Variants in KIF26B observed in about 807,000 individuals in gnomAD.
The protein encoded by KIF26B is kinesin-like protein KIF26B.
KIF26B carries 63 observed loss-of-function variants against 151.2 expected under a neutral mutation model. The ratio of observed to expected loss-of-function variants is 0.42; its 90% CI spans 0.34 to 0.51. The LOEUF (loss-of-function observed/expected upper bound fraction) is 0.51, where lower values mean the gene tolerates loss of function less well. Ranked by LOEUF, KIF26B falls within the 20% of genes least tolerant of loss-of-function variation. The pLI, the probability that KIF26B is intolerant of heterozygous loss-of-function variation, is 0.07. For missense variants in KIF26B, 2,813 were observed against 2,913.6 expected (o/e 0.97, Z 0.79); for synonymous variants, 1,357 against 1,262.1 (o/e 1.08, Z -1.59).
rs1200287331 is a variant in KIF26B, at chr1:245,375,198, T to C, written c.999+7831T>C. Among the ~76,000 whole-genome samples, 1 of 152,218 alleles carries C rather than the reference T, an allele frequency of 6.6e-6. No individual in the cohort carries two copies. The highest frequency in any genetic ancestry group is 6.5e-5 in the Admixed American group (1 of 15,278). Reference sequence around the variant, plus strand: ...ACCTCCCAGGTTCAAGCGATTCTCCTGCCTCAACCTCGGGATTACAGGCAT... The same window carrying C: ...ACCTCCCAGGTTCAAGCGATTCTCCCGCCTCAACCTCGGGATTACAGGCAT... On this transcript the variant is annotated intron_variant, in intron 3 of 14. Transcript: ENST00000407071. This position sits in a 1 kb window ranked among gnomAD's most constrained non-coding sequence, Gnocchi z 4.2.
chr1:245,643,084 T>G (rs1005083341), intron 9 of KIF26B, among the ~76,000 whole-genome samples: 4 of 152,216 alleles, frequency 2.6e-5, no homozygotes, highest in African/African-American at 9.6e-5. Flanking sequence ...TTATCCACAC[T>G]TACACGTTTA....
At chr1:245,509,617 GC>G (rs1572097958) in intron 4 of KIF26B, among the ~76,000 whole-genome samples, 1 of 152,324 alleles carries the variant, frequency 6.6e-6, no homozygotes, top group Non-Finnish European at 1.5e-5. Flanking sequence ...AGAAACTCCT[GC>G]CTGCAGAACT....
intron 10 of KIF26B, among the ~76,000 whole-genome samples, chr1:245,669,939 G>A (rs574826985): frequency 6.6e-6 from 1 of 152,202 alleles, no homozygotes; most frequent in South Asian, 2.1e-4. Flanking sequence ...GCTAAGCTGA[G>A]GGTCCACAAA....
Position 245,687,900 on chromosome 1 carries a change from C to T in KIF26B, c.4917C>T (p.Asp1639=), listed in dbSNP as rs762916786. The part of the protein sequence containing the change: ...QPAAFPAGLP[D]EPSGKTKDAS... ...CCGCCTTCCCGGCGGGCCTCCCAGA[C>T]GAGCCTAGCGGCAAGACGAAGGACG... is the stretch of plus-strand genomic sequence containing the variant. The change falls in exon 12 of 15, where the codon GAC becomes GAT. Residue 1639 remains aspartate, a synonymous_variant. Coordinates refer to ENST00000407071, the MANE Select transcript of KIF26B (RefSeq NM_018012.4). The surrounding 1 kb of genome is among the most constrained non-coding windows in gnomAD (Gnocchi z 4.9). 5.0e-6 allele frequency: 8 copies of T among 1,591,104 alleles called. No homozygotes were observed. The highest frequency in any genetic ancestry group is 6.8e-6 in the Non-Finnish European group (8 of 1,170,774).
At chr1:245,624,482 T>G (rs1252905534) in intron 9 of KIF26B, among the ~76,000 whole-genome samples, 2 of 152,226 alleles carry the variant, frequency 1.3e-5, no homozygotes, top group African/African-American at 2.4e-5. Flanking sequence ...AATAGTGTCT[T>G]GTGGTTTTAG....
intron 5 of KIF26B, among the ~76,000 whole-genome samples, chr1:245,559,852 G>A (rs966174355): frequency 6.6e-6 from 1 of 151,450 alleles, no homozygotes; most frequent in African/African-American, 2.4e-5. Context: ...AGCCTAACAA[G>A]GTTTTTTGTT....
chr1:245,358,355 A>C lies in KIF26B; in HGVS notation c.466-8479A>C, dbSNP rs1672742434. ...CTAGCAGAGTGAAACCCTGTCTCTAATAAAAATACAAAATATTAGCCAGGC... is the reference window on the plus strand; with the variant it reads ...CTAGCAGAGTGAAACCCTGTCTCTACTAAAAATACAAAATATTAGCCAGGC... On this transcript the variant is annotated intron_variant, in intron 2 of 14. Transcript: ENST00000407071. This position sits in a 1 kb window ranked among gnomAD's most constrained non-coding sequence, Gnocchi z 4.1. Among the ~76,000 whole-genome samples, 1 of 152,118 alleles carries C rather than the reference A, an allele frequency of 6.6e-6. No individual in the cohort carries two copies. Among genetic ancestry groups the C allele is most frequent in the Non-Finnish European group, 1.5e-5 (1 of 68,016 alleles).
chr1:245,185,743 T>C (rs967875277), intron 2 of KIF26B, among the ~76,000 whole-genome samples: 2 of 152,342 alleles, frequency 1.3e-5, no homozygotes, highest in African/African-American at 4.8e-5. Context: ...TGTGTGCTAA[T>C]TTTCTAAATA....
At chr1:245,569,069 G>A (rs569141655) in intron 5 of KIF26B, among the ~76,000 whole-genome samples, 1 of 152,296 alleles carries the variant, frequency 6.6e-6, no homozygotes, top group South Asian at 2.1e-4. Context: ...GGTTGGTTGT[G>A]AAGAAGAATA....
chr1:245,609,775 A>G (rs1461634835), intron 8 of KIF26B, among the ~76,000 whole-genome samples: 1 of 150,024 alleles, frequency 6.7e-6, no homozygotes, highest in Non-Finnish European at 1.5e-5. Context: ...GGAGAAATGG[A>G]ATTCACTTTC....
chr1:245,529,265 C>G (rs1306992152), intron 4 of KIF26B, among the ~76,000 whole-genome samples: 3 of 152,134 alleles, frequency 2.0e-5, no homozygotes, highest in Non-Finnish European at 4.4e-5. Flanking sequence ...GGGTTAACCC[C>G]TGGCAAGGCA....
At chr1:245,673,082 C>T (rs1460751153) in intron 10 of KIF26B, among the ~76,000 whole-genome samples, 1 of 146,874 alleles carries the variant, frequency 6.8e-6, no homozygotes, top group Non-Finnish European at 1.5e-5. Context: ...GCCCAGTCCC[C>T]GCTGGGCGCT....
At chr1:245,455,023 G>T (rs974830521) in intron 4 of KIF26B, among the ~76,000 whole-genome samples, 6 of 152,118 alleles carry the variant, frequency 3.9e-5, no homozygotes, top group African/African-American at 1.4e-4. Context: ...CCTAAAAATT[G>T]AATACTTGTT....
intron 4 of KIF26B, among the ~76,000 whole-genome samples, chr1:245,450,384 G>A (rs1659361165): frequency 6.6e-6 from 1 of 152,184 alleles, no homozygotes; most frequent in Non-Finnish European, 1.5e-5. Flanking sequence ...TGTTCTGAAA[G>A]GTGGAATGAA....
At chr1:245,600,282 C>G (rs1348043187) in intron 5 of KIF26B, among the ~76,000 whole-genome samples, 3 of 137,938 alleles carry the variant, frequency 2.2e-5, no homozygotes, top group East Asian at 2.3e-4. Context: ...TTGTGATCCG[C>G]CCGCCTCGGC....
At chr1:245,439,355 A>C (rs889095776) in intron 4 of KIF26B, among the ~76,000 whole-genome samples, 44 of 126,332 alleles carry the variant, frequency 3.5e-4, no homozygotes, top group African/African-American at 1.3e-3. Flanking sequence ...TCAAAAAAAA[A>C]AAAAAAAAGA....
chr1:245,514,298 G>A (rs997649887), intron 4 of KIF26B, among the ~76,000 whole-genome samples: 12 of 152,064 alleles, frequency 7.9e-5, no homozygotes, highest in Non-Finnish European at 1.3e-4. Flanking sequence ...AGTCCGAGGC[G>A]GGCGGATCAC....
chr1:245,700,591 A>G (rs2044757002), intron 14 of KIF26B, among the ~76,000 whole-genome samples: 1 of 152,152 alleles, frequency 6.6e-6, no homozygotes, highest in Admixed American at 6.5e-5. Context: ...TCAGCTACTC[A>G]GGAGGCTGAG....
intron 12 of KIF26B, among the ~76,000 whole-genome samples, chr1:245,693,624 T>C (rs2044653765): frequency 6.6e-6 from 1 of 152,196 alleles, no homozygotes; most frequent in Non-Finnish European, 1.5e-5. Flanking sequence ...TGGGCCTGTC[T>C]TGTGAGTTGT....
Sources: gnomAD v4.1 joint callset for allele counts (sites outside exome capture counted in the v4.1 genomes callset) on GRCh38, gnomAD v4.1.1 for gene constraint, Gnocchi (gnomAD v3.1) non-coding constraint, MANE v1.5 for transcripts, NCBI Gene and HGNC (gene_info 2026-07-23, HGNC 2026-07-21) for gene names.